SAMSN1: variants seen among roughly 807,000 people sequenced by gnomAD.
The protein encoded by SAMSN1 is SAM domain-containing protein SAMSN-1.
Under a neutral mutation model 42.0 loss-of-function variants are expected in SAMSN1, and 31 were observed. That is an observed-to-expected ratio of 0.74 (90% CI 0.55 to 1.00). The LOEUF (loss-of-function observed/expected upper bound fraction) is 1.00. Among genes scored for constraint, SAMSN1 ranks in the 50% least tolerant of loss-of-function variants. The pLI, the probability that SAMSN1 is intolerant of heterozygous loss-of-function variation, is 0.00. For missense variants in SAMSN1, 464 were observed against 439.4 expected, an observed-to-expected ratio of 1.06 and a Z score of -0.50; for synonymous variants, 178 against 151.9, an observed-to-expected ratio of 1.17 and a Z score of -1.26.
rs137892445 is a variant in SAMSN1, at chr21:14,627,518, T to A, written c.157-11502A>T. 8.3e-4 allele frequency among the ~76,000 whole-genome samples: 127 copies of A among 152,336 alleles called. 2 individuals carry two copies. In the South Asian group the frequency reaches 0.011, roughly 13 times the overall value. On this transcript the variant is annotated intron_variant, in intron 2 of 15. Coordinates refer to the SAMSN1 transcript ENST00000647101. The stretch of plus-strand genomic sequence containing the variant: ...TGGAAGCACTCAGAGTGTGACTTGA[T>A]CTGACTCCAAACTGATCTAGAATTG...
intron 1 of SAMSN1, among the ~76,000 whole-genome samples, chr21:14,540,576 C>T (rs1336340492): frequency 6.6e-6 from 1 of 152,098 alleles, no homozygotes; most frequent in African/African-American, 2.4e-5. Flanking sequence ...ATCAAAACCA[C>T]AATGAGATAC....
intron 2 of SAMSN1, among the ~76,000 whole-genome samples, chr21:14,520,077 T>C (rs1334324897): frequency 1.3e-5 from 2 of 152,216 alleles, no homozygotes; most frequent in African/African-American, 2.4e-5. Flanking sequence ...TAAATTGTTA[T>C]AGATAGATAA....
At chr21:14,650,803 A>G (rs1983820988) in intron 1 of SAMSN1, among the ~76,000 whole-genome samples, 2 of 152,170 alleles carry the variant, frequency 1.3e-5, no homozygotes, top group South Asian at 2.1e-4. Context: ...AAAAAAAGAG[A>G]TAAAGCCCAA....
At chr21:14,493,496 C>T (rs1034046229) in intron 7 of SAMSN1, among the ~76,000 whole-genome samples, 3 of 150,576 alleles carry the variant, frequency 2.0e-5, no homozygotes, top group Non-Finnish European at 2.9e-5. Context: ...TTACTATAAA[C>T]AACAGTAAAC....
At chr21:14,627,202 A>C (rs1293871427) in intron 2 of SAMSN1, among the ~76,000 whole-genome samples, 3 of 152,050 alleles carry the variant, frequency 2.0e-5, no homozygotes, top group Non-Finnish European at 1.5e-5. Context: ...GGTGCAGCAC[A>C]CCAATATGGC....
chr21:14,572,705 T>G (rs1416938336), intron 2 of SAMSN1, among the ~76,000 whole-genome samples: 2 of 152,176 alleles, frequency 1.3e-5, no homozygotes, highest in African/African-American at 4.8e-5. Context: ...TCTCTAATTA[T>G]CAAGCTGTTA....
At chr21:14,499,925 A>G (rs2123685553) in intron 6 of SAMSN1, among the ~76,000 whole-genome samples, 1 of 152,362 alleles carries the variant, frequency 6.6e-6, no homozygotes, top group Non-Finnish European at 1.5e-5. Flanking sequence ...ATTCATTGAT[A>G]CTAGGTGTAG....
At chr21:14,620,337 T>A (rs374958527) in intron 2 of SAMSN1, among the ~76,000 whole-genome samples, 1 of 152,074 alleles carries the variant, frequency 6.6e-6, no homozygotes, top group African/African-American at 2.4e-5. Flanking sequence ...TCTTACGAGA[T>A]GTGATGGTTT....
At chr21:14,610,532 C>T (rs181603762) in intron 4 of SAMSN1, among the ~76,000 whole-genome samples, 33 of 152,334 alleles carry the variant, frequency 2.2e-4, no homozygotes, top group Admixed American at 7.2e-4. Context: ...CTGTGACCCA[C>T]ACCCTATTCG....
intron 2 of SAMSN1, among the ~76,000 whole-genome samples, chr21:14,558,917 C>T (rs549987697): frequency 1.1e-4 from 17 of 152,226 alleles, no homozygotes; most frequent in African/African-American, 3.1e-4. Flanking sequence ...ATTTGAATTT[C>T]CTTTTCTACC....
chr21:14,543,778 A>C (rs548289511), intron 1 of SAMSN1, among the ~76,000 whole-genome samples: 28 of 152,298 alleles, frequency 1.8e-4, no homozygotes, highest in African/African-American at 2.9e-4. Context: ...TTAAAAAAAA[A>C]CCACAAAAAC....
At position 14,563,744 on chromosome 21, in the gene SAMSN1, G is replaced by C. The variant is rs370959962; in HGVS notation, c.261+18392C>G. On this transcript the variant is annotated intron_variant, in intron 2 of 8. Coordinates refer to the SAMSN1 transcript ENST00000285670. Reference sequence around the variant, plus strand: ...TTAGAGAGATTAGTGGCCTTAAACAGAATTTCACAATAGTTTCTTACCCTG... The same window carrying C: ...TTAGAGAGATTAGTGGCCTTAAACACAATTTCACAATAGTTTCTTACCCTG... Among the ~76,000 whole-genome samples the C allele has an allele frequency of 3.3e-5, 5 of 152,264 alleles. No homozygotes were observed. The South Asian group carries it at 8.3e-4, about 25-fold the overall frequency.
At chr21:14,502,803 G>A (rs1434719448) in intron 5 of SAMSN1, among the ~76,000 whole-genome samples, 1 of 152,114 alleles carries the variant, frequency 6.6e-6, no homozygotes, top group African/African-American at 2.4e-5. Context: ...TAATTCTCCA[G>A]TTGAGCTCAC....
chr21:14,554,116 C>G (rs920785127), intron 2 of SAMSN1, among the ~76,000 whole-genome samples: 31 of 152,016 alleles, frequency 2.0e-4, no homozygotes, highest in Non-Finnish European at 3.7e-4. Flanking sequence ...AAATATTTTA[C>G]TTTAGCTAGA....
upstream of SAMSN1, among the ~76,000 whole-genome samples, chr21:14,550,417 G>A (rs945060433): frequency 3.4e-4 from 51 of 152,062 alleles, no homozygotes; most frequent in Admixed American, 1.6e-3. Context: ...ACAAGCTCAT[G>A]TTTTGGGGAG....
chr21:14,500,592 G>A lies in SAMSN1; in HGVS notation c.705C>T (p.Asn235=). Residue 235 remains asparagine, a synonymous_variant, in exon 6 of 8, where the codon AAC becomes AAT. Coordinates refer to ENST00000400566, the MANE Select transcript of SAMSN1 (RefSeq NM_022136.5). ...TGGATTTTTTGCTGTTACTCCTTCG[G>A]TTTGCCTTTATTTTCTTGGGGGCTG... The part of the protein sequence containing the change: ...EEAAPKKIKA[N]RRSNSKKSKT... 1 of 1,614,032 alleles carries A rather than the reference G, an allele frequency of 6.2e-7. No individual in the cohort carries two copies. The highest frequency in any genetic ancestry group is 8.5e-7 in the Non-Finnish European group (1 of 1,179,988).
chr21:14,498,640 A>G, intron 6 of SAMSN1, 48 bp from the exon 7 acceptor site: 1 of 1,437,476 alleles, frequency 7.0e-7, no homozygotes, highest in South Asian at 1.4e-5. Flanking sequence ...CAAATATTTT[A>G]TTTTTAGTTC....
chr21:14,632,152 C>T (rs1422145170), intron 2 of SAMSN1, among the ~76,000 whole-genome samples: 1 of 151,778 alleles, frequency 6.6e-6, no homozygotes, highest in African/African-American at 2.4e-5. Context: ...GTTCTGGATC[C>T]AGCCATTGTG....
intron 5 of SAMSN1, among the ~76,000 whole-genome samples, chr21:14,606,516 C>A (rs921863328): frequency 1.4e-4 from 21 of 152,058 alleles, no homozygotes; most frequent in African/African-American, 4.8e-4. Flanking sequence ...TTTTTATAAA[C>A]TCAAGTCAAA....
Sources: gnomAD v4.1 joint callset for allele counts (sites outside exome capture counted in the v4.1 genomes callset) on GRCh38, gnomAD v4.1.1 for gene constraint, MANE v1.5 for transcripts, NCBI Gene and HGNC (gene_info 2026-07-23, HGNC 2026-07-21) for gene names.